CFAP299: variants seen among roughly 807,000 people sequenced by gnomAD.
CFAP299 encodes cilia and flagella associated protein 299, also known as cilia- and flagella-associated protein 299.
A neutral mutation model predicts 27.0 loss-of-function variants in CFAP299; 21 were observed. That is an observed-to-expected ratio of 0.78 (90% CI 0.55 to 1.12). The LOEUF (loss-of-function observed/expected upper bound fraction) is 1.12. CFAP299 is among the 50% of genes most tolerant of loss of function. The pLI is 0.00. For synonymous variants in CFAP299, 104 were observed against 98.1 expected, an observed-to-expected ratio of 1.06 and a Z score of -0.36; for missense variants, 310 against 276.6, an observed-to-expected ratio of 1.12 and a Z score of -0.86.
chr4:80,655,321 T>C (rs1740498489), intron 3 of CFAP299, among the ~76,000 whole-genome samples: 1 of 152,128 alleles, frequency 6.6e-6, no homozygotes, highest in African/African-American at 2.4e-5. Context: ...AAAGTAACAC[T>C]GAAAAATACA....
intron 5 of CFAP299, among the ~76,000 whole-genome samples, chr4:80,960,802 T>C (rs1738307331): frequency 6.6e-6 from 1 of 151,868 alleles, no homozygotes; most frequent in Non-Finnish European, 1.5e-5. Context: ...TTTTAAAAGA[T>C]GAGCAAAGTT....
At chr4:80,843,541 C>T (rs1387910352) in intron 3 of CFAP299, among the ~76,000 whole-genome samples, 2 of 151,936 alleles carry the variant, frequency 1.3e-5, no homozygotes, top group Admixed American at 1.3e-4. Flanking sequence ...AACAAACATA[C>T]GTGTGCATGT....
intron 4 of CFAP299, among the ~76,000 whole-genome samples, chr4:80,874,119 A>T (rs1733251147): frequency 6.6e-6 from 1 of 152,216 alleles, no homozygotes; most frequent in Non-Finnish European, 1.5e-5. Context: ...GGAAAAAATA[A>T]AGCAGTAAAT....
intron 4 of CFAP299, among the ~76,000 whole-genome samples, chr4:80,918,598 AG>A (rs1191690029): frequency 6.6e-6 from 1 of 152,164 alleles, no homozygotes; most frequent in East Asian, 1.9e-4. Context: ...GTTAATTTTA[AG>A]AGCAAACTGA....
intron 2 of CFAP299, among the ~76,000 whole-genome samples, chr4:80,580,465 C>T (rs1352000046): frequency 2.0e-5 from 3 of 151,832 alleles, no homozygotes; most frequent in Non-Finnish European, 2.9e-5. Context: ...AATCTATTGA[C>T]ACTTCCTTCC....
chr4:80,825,556 A>G (rs1320798700), intron 3 of CFAP299, among the ~76,000 whole-genome samples: 2 of 152,176 alleles, frequency 1.3e-5, no homozygotes, highest in East Asian at 1.9e-4. Flanking sequence ...CATATTTTCC[A>G]TCAGAAACTT....
chr4:80,891,794 A>C (rs1393129697), intron 4 of CFAP299, among the ~76,000 whole-genome samples: 1 of 141,564 alleles, frequency 7.1e-6, no homozygotes, highest in Non-Finnish European at 1.5e-5. Context: ...AAAAATAAAA[A>C]AAAAAATAAA....
chr4:80,672,646 G>A (rs1741562940), intron 3 of CFAP299, among the ~76,000 whole-genome samples: 2 of 152,056 alleles, frequency 1.3e-5, no homozygotes, highest in Admixed American at 1.3e-4. Context: ...GAATTTTTTT[G>A]TTGGTTGGCT....
chr4:80,634,751 T>G (rs1453637377), intron 3 of CFAP299, among the ~76,000 whole-genome samples: 2 of 152,142 alleles, frequency 1.3e-5, no homozygotes, highest in Admixed American at 6.5e-5. Context: ...TAATTTGGAT[T>G]TAATAAGCTT....
intron 3 of CFAP299, among the ~76,000 whole-genome samples, chr4:80,792,606 A>G (rs747387510): frequency 3.9e-5 from 6 of 152,124 alleles, no homozygotes; most frequent in Admixed American, 6.6e-5. Flanking sequence ...AGATCATATT[A>G]ATAAGGCAAA....
intron 2 of CFAP299, among the ~76,000 whole-genome samples, chr4:80,440,599 G>A (rs1157235165): frequency 6.6e-6 from 1 of 152,114 alleles, no homozygotes; most frequent in Non-Finnish European, 1.5e-5. Context: ...CAAAGATGAG[G>A]AAAAAACAGT....
At chr4:80,799,560 A>T (rs778475457) in intron 3 of CFAP299, among the ~76,000 whole-genome samples, 1,471 of 69,076 alleles carry the variant, frequency 0.021, 28 homozygotes, top group African/African-American at 0.041. Flanking sequence ...TAATATATTT[A>T]ATAAATATAT....
intron 3 of CFAP299, among the ~76,000 whole-genome samples, chr4:80,603,745 T>C (rs926510904): frequency 6.6e-6 from 1 of 152,212 alleles, no homozygotes; most frequent in African/African-American, 2.4e-5. Flanking sequence ...ATCTATATGA[T>C]AGAATACTGT....
rs897686574 is a variant in CFAP299 at position 80,420,143 on chromosome 4, G to A, written c.242+57259G>A. ...TGTGTAGCAAATGTGGTCTTGTGAT[G>A]TAAATGAAACCTCACAGGTAGCAGC... On this transcript the variant is annotated intron_variant, in intron 2 of 5. Coordinates refer to ENST00000358105, the MANE Select transcript of CFAP299 (RefSeq NM_152770.3). The A allele has an allele frequency of 1.3e-5, 6 of 454,312 alleles. No individual in the cohort carries two copies. The Admixed American group carries it at 1.4e-4, about 11-fold the overall frequency. The allele number at this position is 454,312 out of a possible 1,614,324, so 28.1% of individuals were successfully genotyped here.
intron 4 of CFAP299, among the ~76,000 whole-genome samples, chr4:80,886,334 A>C (rs957391211): frequency 6.6e-6 from 1 of 152,170 alleles, no homozygotes; most frequent in Non-Finnish European, 1.5e-5. Context: ...CTTGCTTCAG[A>C]TCTAACCCAG....
At chr4:80,826,203 A>G (rs1430680132) in intron 3 of CFAP299, among the ~76,000 whole-genome samples, 2 of 151,816 alleles carry the variant, frequency 1.3e-5, no homozygotes, top group African/African-American at 4.8e-5. Flanking sequence ...CCCCATCATA[A>G]GCACAAACCA....
intron 3 of CFAP299, among the ~76,000 whole-genome samples, chr4:80,858,923 G>A (rs1002176824): frequency 6.6e-6 from 1 of 152,206 alleles, no homozygotes; most frequent in East Asian, 1.9e-4. Context: ...ATGTCTATTA[G>A]GTCCGCTTGG....
intron 2 of CFAP299, among the ~76,000 whole-genome samples, chr4:80,465,994 C>G (rs145935785): frequency 6.6e-6 from 1 of 152,168 alleles, no homozygotes; most frequent in African/African-American, 2.4e-5. Flanking sequence ...TTCTTTCATT[C>G]GGTAGCCATA....
intron 3 of CFAP299, among the ~76,000 whole-genome samples, chr4:80,629,871 GA>G (rs1239255685): frequency 1.9e-3 from 126 of 67,018 alleles, no homozygotes; most frequent in African/African-American, 4.1e-3. Flanking sequence ...TCTGTATCTG[GA>G]AAAAAAAAAA....
Sources: allele counts gnomAD v4.1 joint callset (sites outside exome capture counted in the v4.1 genomes callset), GRCh38; gene constraint gnomAD v4.1.1; transcripts MANE v1.5; gene names NCBI Gene and HGNC (gene_info 2026-07-23, HGNC 2026-07-21).